Variants in XKR9 observed in about 807,000 individuals in gnomAD.
XKR9 encodes XK related 9, also known as XK-related protein 9.
A neutral mutation model predicts 32.0 loss-of-function variants in XKR9; 32 were observed. That is an observed-to-expected ratio of 1.00 (90% CI 0.76 to 1.34). The LOEUF is 1.34. XKR9 is among the 40% of genes most tolerant of loss of function. The probability of loss-of-function intolerance (pLI) is 0.00; values close to 1 mark genes in which losing one functional copy is unlikely to be tolerated. For missense variants in XKR9, 546 were observed against 429.7 expected (o/e 1.27, Z -2.39); for synonymous variants, 168 against 143.4 (o/e 1.17, Z -1.22).
intron 4 of XKR9, among the ~76,000 whole-genome samples, chr8:70,731,500 A>G (rs1806665058): frequency 6.6e-6 from 1 of 152,166 alleles, no homozygotes; most frequent in South Asian, 2.1e-4. Flanking sequence ...TCAATTTTTC[A>G]AGATGTTGCC....
At chr8:70,707,851 C>A (rs1047307640) in intron 4 of XKR9, among the ~76,000 whole-genome samples, 17 of 151,942 alleles carry the variant, frequency 1.1e-4, no homozygotes, top group Admixed American at 6.6e-5. Context: ...TTTCCATCTT[C>A]CTTTTTGAAA....
chr8:70,939,197 A>C, the XKR9 span, among the ~76,000 whole-genome samples: 4 of 152,226 alleles, frequency 2.6e-5, no homozygotes, highest in South Asian at 4.1e-4. Context: ...TCCTGTAAGC[A>C]TCTTGTACCT....
At chr8:70,876,307 C>T in the XKR9 span, among the ~76,000 whole-genome samples, 6 of 150,670 alleles carry the variant, frequency 4.0e-5, no homozygotes, top group Non-Finnish European at 7.4e-5. Context: ...CTGCAACCTC[C>T]GCCTCCTAGG....
the XKR9 span, among the ~76,000 whole-genome samples, chr8:70,843,284 A>G: frequency 2.0e-5 from 3 of 152,236 alleles, no homozygotes; most frequent in East Asian, 1.9e-4. Flanking sequence ...GAGTTGATTA[A>G]TGTAAAGGTC....
chr8:70,819,243 G>A, the XKR9 span, among the ~76,000 whole-genome samples: 2 of 152,176 alleles, frequency 1.3e-5, no homozygotes, highest in African/African-American at 4.8e-5. Context: ...TAAGATGCCT[G>A]CATATGTCTT....
chr8:70,772,960 A>G (rs1019287015), intron 2 of XKR9, among the ~76,000 whole-genome samples: 10 of 152,226 alleles, frequency 6.6e-5, no homozygotes, highest in Non-Finnish European at 1.0e-4. Flanking sequence ...TTAAAATGCT[A>G]TGTCCATTGG....
At chr8:70,800,881 A>G in the XKR9 span, among the ~76,000 whole-genome samples, 1 of 151,656 alleles carries the variant, frequency 6.6e-6, no homozygotes. Flanking sequence ...TTCCTGGTTC[A>G]GTCTTGGGAG....
intron 2 of XKR9, among the ~76,000 whole-genome samples, chr8:70,768,707 G>T: frequency 6.8e-6 from 1 of 148,090 alleles, no homozygotes; most frequent in East Asian, 2.0e-4. Context: ...TCTGATCTTT[G>T]TTGGTTTAAA....
the XKR9 span, among the ~76,000 whole-genome samples, chr8:70,926,247 T>A: frequency 1.3e-5 from 2 of 152,128 alleles, no homozygotes; most frequent in Non-Finnish European, 2.9e-5. Context: ...GCTTTTGTAG[T>A]TTTAGTAGAG....
the XKR9 span, among the ~76,000 whole-genome samples, chr8:70,805,706 G>A: frequency 2.0e-5 from 3 of 152,284 alleles, no homozygotes; most frequent in Admixed American, 2.0e-4. Context: ...TTCCCTGCAG[G>A]AACTCCAATA....
chr8:70,888,286 T>C, the XKR9 span, among the ~76,000 whole-genome samples: 5 of 152,024 alleles, frequency 3.3e-5, no homozygotes, highest in Non-Finnish European at 5.9e-5. Flanking sequence ...ATGTTTAAAT[T>C]AGATTATTTG....
chr8:70,828,207 G>T, the XKR9 span, among the ~76,000 whole-genome samples: 3 of 152,126 alleles, frequency 2.0e-5, no homozygotes, highest in African/African-American at 7.2e-5. Flanking sequence ...CCCTTTTAAG[G>T]GTTTCAAACA....
intron 4 of XKR9, among the ~76,000 whole-genome samples, chr8:70,709,707 A>G (rs1010740284): frequency 1.3e-5 from 2 of 152,160 alleles, no homozygotes; most frequent in African/African-American, 4.8e-5. Flanking sequence ...CAGCAGCCAC[A>G]AAAAAGAATA....
chr8:70,691,085 C>G (rs948745323), intron 3 of XKR9, among the ~76,000 whole-genome samples: 1 of 152,076 alleles, frequency 6.6e-6, no homozygotes, highest in Admixed American at 6.5e-5. Context: ...TATTTTTTGA[C>G]TTTTTAGTAA....
At chr8:70,822,234 A>G in the XKR9 span, among the ~76,000 whole-genome samples, 4 of 152,084 alleles carry the variant, frequency 2.6e-5, no homozygotes, top group Non-Finnish European at 5.9e-5. Context: ...ATCACATAAC[A>G]TTTATTTTTT....
the XKR9 span, among the ~76,000 whole-genome samples, chr8:71,046,890 C>T: frequency 1.3e-5 from 2 of 152,142 alleles, no homozygotes; most frequent in African/African-American, 2.4e-5. Context: ...TCCTTTGAGT[C>T]CTCTTCATCT....
chr8:70,878,317 A>G, the XKR9 span, among the ~76,000 whole-genome samples: 104 of 152,302 alleles, frequency 6.8e-4, no homozygotes, highest in African/African-American at 2.4e-3. Context: ...ATTAACCTTA[A>G]ATGTAAATGT....
chr8:70,734,382 A>G lies in XKR9; in HGVS notation c.1080A>G (p.Pro360=), dbSNP rs1342454818. 2 of 1,605,658 alleles carry G rather than the reference A, an allele frequency of 1.2e-6. No individual in the cohort carries two copies. Among genetic ancestry groups the G allele is most frequent in the Admixed American group, 3.4e-5 (2 of 59,032 alleles). ...AATGTGATGAAATTGATGGAAAACC[A>G]GTTCTAAGAGAATGTAGAATGAGAT... The part of the protein sequence containing the change: ...ETKCDEIDGK[P]VLRECRMRYF... The change falls in exon 5 of 5, where the codon CCA becomes CCG. Residue 360 remains proline (P), a synonymous_variant. Transcript: ENST00000408926.
chr8:70,741,706 A>C (rs572971296), intron 2 of XKR9, among the ~76,000 whole-genome samples: 1 of 152,184 alleles, frequency 6.6e-6, no homozygotes, highest in African/African-American at 2.4e-5. Context: ...GAATAGTGCA[A>C]CAGTGAACAT....
Sources: allele counts gnomAD v4.1 joint callset (sites outside exome capture counted in the v4.1 genomes callset), GRCh38; gene constraint gnomAD v4.1.1; transcripts MANE v1.5; gene names NCBI Gene and HGNC (gene_info 2026-07-23, HGNC 2026-07-21).